CDH18: variants seen among roughly 807,000 people sequenced by gnomAD.
The protein encoded by CDH18 is cadherin-18.
In CDH18, 31 loss-of-function variants were observed where a neutral mutation model predicts 67.9. The observed-to-expected ratio is 0.46, with a 90% CI of 0.34 to 0.62. CDH18 has a LOEUF of 0.62. Ranked by LOEUF, CDH18 falls within the 20% of genes least tolerant of loss-of-function variation. The pLI is 0.01. For synonymous variants in CDH18, 362 were observed against 347.2 expected (o/e 1.04, Z -0.48); for missense variants, 890 against 975.5 (o/e 0.91, Z 1.17).
intron 1 of CDH18, among the ~76,000 whole-genome samples, chr5:20,508,513 CTG>C (rs1372556374): frequency 6.6e-6 from 1 of 151,156 alleles, no homozygotes; most frequent in South Asian, 2.1e-4. Flanking sequence ...TAATTATTAA[CTG>C]TATAAGAAAA....
chr5:19,874,708 T>C (rs539234072), intron 2 of CDH18, among the ~76,000 whole-genome samples: 1 of 152,372 alleles, frequency 6.6e-6, no homozygotes, highest in African/African-American at 2.4e-5. Context: ...TTTATTTTTA[T>C]GTGTTTGCTT....
At chr5:20,566,214 G>T (rs188665843) in intron 1 of CDH18, among the ~76,000 whole-genome samples, 1 of 152,018 alleles carries the variant, frequency 6.6e-6, no homozygotes, top group Non-Finnish European at 1.5e-5. Context: ...GTAATAGAAG[G>T]CTAGGCTACA....
At chr5:19,945,817 A>C (rs1034549691) in intron 2 of CDH18, among the ~76,000 whole-genome samples, 6 of 152,168 alleles carry the variant, frequency 3.9e-5, no homozygotes, top group Admixed American at 1.3e-4. Flanking sequence ...TTTGGTCAAC[A>C]CAGAAAAATA....
chr5:19,500,395 A>C (rs1366678469), intron 11 of CDH18, among the ~76,000 whole-genome samples: 2 of 152,166 alleles, frequency 1.3e-5, no homozygotes, highest in African/African-American at 4.8e-5. Flanking sequence ...CAAGGGTACT[A>C]AGCCAGTGAT....
At chr5:20,329,893 C>G (rs1030603629) in intron 1 of CDH18, among the ~76,000 whole-genome samples, 1 of 151,176 alleles carries the variant, frequency 6.6e-6, no homozygotes, top group Non-Finnish European at 1.5e-5. Flanking sequence ...ATAACACATG[C>G]CATTGAAACC....
In CDH18 at chr5:19,728,243, T is replaced by C. The variant is rs1015472605; in HGVS notation, c.524-6777A>G. The stretch of plus-strand genomic sequence containing the variant: ...TTAAAGAAAAATCTTTCAAAAGTGC[T>C]TTAGAAGCATTCTTAAATTTTGAAA... On this transcript the variant is annotated intron_variant, in intron 4 of 12. Coordinates refer to ENST00000382275, the MANE Select transcript of CDH18 (RefSeq NM_004934.5). Among the ~76,000 whole-genome samples the C allele has an allele frequency of 2.6e-5, 4 of 152,202 alleles. 1 individual carries two copies. The highest frequency in any genetic ancestry group is 4.4e-5 in the Non-Finnish European group (3 of 68,006).
rs72743045 is a variant in CDH18, at chr5:20,174,793, G to T, written c.-518+80651C>A. On this transcript the variant is annotated intron_variant, in intron 2 of 14. Coordinates refer to the CDH18 transcript ENST00000507958. ...ATGATGAAAACATGCATGGATGTTTGCCAGAATAGTATATGATAACGATCT... is the reference window on the plus strand; with the variant it reads ...ATGATGAAAACATGCATGGATGTTTTCCAGAATAGTATATGATAACGATCT... Among the ~76,000 whole-genome samples the T allele has an allele frequency of 4.8e-4, 73 of 152,220 alleles. No individual in the cohort carries two copies. In the East Asian group the frequency reaches 5.2e-3, roughly 11 times the overall value.
chr5:20,216,055 T>A lies in CDH18; in HGVS notation c.-518+39389A>T, dbSNP rs1740742534. ...GCTTAATACCTGGGTGATTAAATAA[T>A]CTGTATAATAAACCCCCATGACACT... On this transcript the variant is annotated intron_variant, in intron 2 of 14. Transcript: ENST00000507958. Among the ~76,000 whole-genome samples, 5 of 152,078 alleles carry A rather than the reference T, an allele frequency of 3.3e-5. No homozygotes were observed. In the South Asian group the frequency reaches 1.0e-3, roughly 32 times the overall value.
intron 6 of CDH18, among the ~76,000 whole-genome samples, chr5:19,593,685 T>G (rs1745589541): frequency 1.6e-5 from 1 of 62,436 alleles, no homozygotes; most frequent in Admixed American, 1.7e-4. Flanking sequence ...TTCCTCCTCC[T>G]TCTCTTCCTC....
intron 1 of CDH18, among the ~76,000 whole-genome samples, chr5:20,493,942 AAAACAG>A (rs1220813995): frequency 8.6e-5 from 13 of 150,402 alleles, no homozygotes; most frequent in South Asian, 2.1e-4. Flanking sequence ...AACAAAAACA[AAAACAG>A]CAAAAAAAAA....
intron 3 of CDH18, among the ~76,000 whole-genome samples, chr5:19,753,166 C>T (rs933159156): frequency 3.9e-5 from 6 of 152,084 alleles, no homozygotes; most frequent in African/African-American, 1.4e-4. Context: ...GCAATGGATG[C>T]AAACCAAGAA....
At chr5:19,497,625 A>G (rs902504352) in intron 11 of CDH18, among the ~76,000 whole-genome samples, 1 of 152,236 alleles carries the variant, frequency 6.6e-6, no homozygotes, top group Non-Finnish European at 1.5e-5. Flanking sequence ...ACATTTAGTT[A>G]TTTAGCAAAG....
At chr5:20,474,881 G>A (rs1752330456) in intron 1 of CDH18, among the ~76,000 whole-genome samples, 1 of 152,178 alleles carries the variant, frequency 6.6e-6, no homozygotes, top group Non-Finnish European at 1.5e-5. Flanking sequence ...CATTTATACA[G>A]AGGTGCGTTT....
chr5:20,149,480 T>C (rs1750929242), intron 2 of CDH18, among the ~76,000 whole-genome samples: 1 of 152,146 alleles, frequency 6.6e-6, no homozygotes, highest in East Asian at 1.9e-4. Context: ...AAGGGAGTCA[T>C]GTGATGAATG....
intron 2 of CDH18, among the ~76,000 whole-genome samples, chr5:20,120,984 C>A (rs1184322213): frequency 6.6e-6 from 1 of 152,108 alleles, no homozygotes; most frequent in Non-Finnish European, 1.5e-5. Context: ...GGCCATTAAA[C>A]AACTAGATAG....
chr5:20,226,848 C>T (rs1268985800), intron 2 of CDH18, among the ~76,000 whole-genome samples: 1 of 152,068 alleles, frequency 6.6e-6, no homozygotes, highest in African/African-American at 2.4e-5. Context: ...CTTCTCCATA[C>T]ACACACATAC....
intron 2 of CDH18, among the ~76,000 whole-genome samples, chr5:19,877,006 G>C (rs1787081500): frequency 6.6e-6 from 1 of 152,002 alleles, no homozygotes; most frequent in Non-Finnish European, 1.5e-5. Context: ...AGAAAAAATT[G>C]AGGCCTTCGA....
At chr5:20,432,886 T>TA (rs1049555393) in intron 1 of CDH18, among the ~76,000 whole-genome samples, 35 of 149,610 alleles carry the variant, frequency 2.3e-4, no homozygotes, top group African/African-American at 4.9e-4. Context: ...GTGTAAAAAT[T>TA]AAAAAAAATT....
chr5:19,662,141 A>AT (rs1757267605), intron 5 of CDH18, among the ~76,000 whole-genome samples: 1 of 99,928 alleles, frequency 1.0e-5, no homozygotes, highest in Admixed American at 1.2e-4. Context: ...TTTAAAGATG[A>AT]CTTTTTTTTT....
Sources: allele counts gnomAD v4.1 joint callset (sites outside exome capture counted in the v4.1 genomes callset), GRCh38; gene constraint gnomAD v4.1.1; transcripts MANE v1.5; gene names NCBI Gene and HGNC (gene_info 2026-07-23, HGNC 2026-07-21).